The following MDGA2 variants were observed in gnomAD, a reference collection of about 807,000 sequenced individuals.
MDGA2 encodes MAM domain containing glycosylphosphatidylinositol anchor 2.
Under a neutral mutation model 117.8 loss-of-function variants are expected in MDGA2, and 40 were observed. That is an observed-to-expected ratio of 0.34 (90% CI 0.26 to 0.44). MDGA2 has a LOEUF of 0.44. MDGA2 is among the 20% of genes least tolerant of loss of function. The pLI is 1.00. For synonymous variants in MDGA2, 452 were observed against 439.0 expected (o/e 1.03, Z -0.37); for missense variants, 1,123 against 1,250.6 (o/e 0.90, Z 1.54).
Position 47,055,437 on chromosome 14 carries a change from C to G in MDGA2, c.1525+5812G>C, listed in dbSNP as rs145331084. On this transcript the variant is annotated intron_variant, in intron 7 of 16. Transcript: ENST00000399232. Reference sequence around the variant, plus strand: ...AATCCAGCTCAGATGCTACCTGCTGCTCTATGGAACTCTTGCTGACTAGAT... The same window carrying G: ...AATCCAGCTCAGATGCTACCTGCTGGTCTATGGAACTCTTGCTGACTAGAT... Among the ~76,000 whole-genome samples, 38 of 152,156 alleles carry G rather than the reference C, an allele frequency of 2.5e-4. No homozygotes were observed. In the East Asian group the frequency reaches 4.1e-3, roughly 16 times the overall value.
chr14:47,438,130 G>A (rs1427853657), intron 1 of MDGA2, among the ~76,000 whole-genome samples: 1 of 152,038 alleles, frequency 6.6e-6, no homozygotes, highest in Non-Finnish European at 1.5e-5. Flanking sequence ...GGATGGATTG[G>A]GTACAACCTA....
intron 1 of MDGA2, among the ~76,000 whole-genome samples, chr14:47,348,290 C>T (rs1197778719): frequency 1.4e-4 from 21 of 151,510 alleles, no homozygotes; most frequent in Admixed American, 1.3e-3. Context: ...GATCTCACTG[C>T]AACCCCTGCC....
chr14:47,612,249 T>TAGATAGATAGAC (rs1896863951), intron 1 of MDGA2, among the ~76,000 whole-genome samples: 3 of 152,100 alleles, frequency 2.0e-5, no homozygotes, highest in Admixed American at 1.3e-4. Context: ...GATAGATAGA[T>TAGATAGATAGAC]AGATAGATCT....
At chr14:47,173,964 A>C (rs917579703) in intron 3 of MDGA2, among the ~76,000 whole-genome samples, 6 of 152,218 alleles carry the variant, frequency 3.9e-5, no homozygotes, top group Admixed American at 6.5e-5. Context: ...TCTACCAAGC[A>C]AATGGAAAAC....
chr14:47,585,747 C>T (rs1896312800), intron 1 of MDGA2, among the ~76,000 whole-genome samples: 2 of 151,904 alleles, frequency 1.3e-5, no homozygotes. Flanking sequence ...ATTCCCCTTT[C>T]ATCCTTCCCT....
intron 1 of MDGA2, among the ~76,000 whole-genome samples, chr14:47,503,131 T>G (rs1411997553): frequency 6.6e-6 from 1 of 152,212 alleles, no homozygotes; most frequent in Admixed American, 6.5e-5. Context: ...TCCATTATAG[T>G]ATGGACTGCA....
At chr14:46,873,791 A>G (rs935711132) in intron 13 of MDGA2, 200 bp from the exon 14 acceptor site, 18 of 576,346 alleles carry the variant, frequency 3.1e-5, no homozygotes, top group African/African-American at 3.1e-4. Context: ...AATTAAAGAT[A>G]AAATGTATAA....
Position 47,495,184 on chromosome 14 carries a change from A to G in MDGA2, c.280+179333T>C, listed in dbSNP as rs140217798. ...ACTCAGAAGCAGAAAGTCAAAAACCACCTGTTCTCACTTATAAGTGGGAGT... is the reference window on the plus strand; with the variant it reads ...ACTCAGAAGCAGAAAGTCAAAAACCGCCTGTTCTCACTTATAAGTGGGAGT... On this transcript the variant is annotated intron_variant, in intron 1 of 16. Transcript: ENST00000399232. Among the ~76,000 whole-genome samples, 40 of 152,200 alleles carry G rather than the reference A, an allele frequency of 2.6e-4. No individual in the cohort carries two copies. In the East Asian group the frequency reaches 7.8e-3, roughly 30 times the overall value.
At chr14:47,529,721 C>G (rs1181094996) in intron 1 of MDGA2, among the ~76,000 whole-genome samples, 3 of 152,156 alleles carry the variant, frequency 2.0e-5, no homozygotes, top group Admixed American at 1.3e-4. Context: ...TCAGCTAGAA[C>G]TATACCTGGA....
At chr14:47,018,733 GAAAAA>G (rs60442845) in intron 8 of MDGA2, among the ~76,000 whole-genome samples, 120 of 38,624 alleles carry the variant, frequency 3.1e-3, no homozygotes, top group African/African-American at 7.3e-3. Flanking sequence ...CCATTTTACT[GAAAAA>G]AAAAAAAAAA....
intron 1 of MDGA2, among the ~76,000 whole-genome samples, chr14:47,611,156 G>T (rs930562449): frequency 6.6e-6 from 1 of 152,000 alleles, no homozygotes; most frequent in Admixed American, 6.6e-5. Flanking sequence ...GCAAGTCACA[G>T]GTAGGAGAAT....
At chr14:47,292,699 C>G (rs113271643) in intron 2 of MDGA2, among the ~76,000 whole-genome samples, 2 of 152,122 alleles carry the variant, frequency 1.3e-5, no homozygotes, top group South Asian at 2.1e-4. Context: ...CCCTTTCAAC[C>G]AGTAAGAGTT....
chr14:47,554,183 A>C (rs1011040174), intron 1 of MDGA2, among the ~76,000 whole-genome samples: 1 of 152,196 alleles, frequency 6.6e-6, no homozygotes, highest in Non-Finnish European at 1.5e-5. Context: ...TCTGAGCTGC[A>C]GTCTGCATTT....
Position 47,061,598 on chromosome 14 carries a change from T to A in MDGA2, c.1196-20A>T. 1 of 1,583,320 alleles carries A rather than the reference T, an allele frequency of 6.3e-7. No individual in the cohort carries two copies. The highest frequency in any genetic ancestry group is 8.6e-7 in the Non-Finnish European group (1 of 1,158,628). Reference sequence around the variant, plus strand: ...TTAATGCTACAACATAAAAATTCCATAAGGAGTTAGTGTTACTTTCATAAC... The same window carrying A: ...TTAATGCTACAACATAAAAATTCCAAAAGGAGTTAGTGTTACTTTCATAAC... On this transcript the variant is annotated intron_variant, in intron 6 of 16. Transcript: ENST00000399232.
Position 46,923,609 on chromosome 14 carries a change from C to T in MDGA2, c.2090-3449G>A, listed in dbSNP as rs979881143. ...AATGAGAAATAATTTTCAGTTGTTACGATTAAATATAGGCATGCTTACTTA... is the reference window on the plus strand; with the variant it reads ...AATGAGAAATAATTTTCAGTTGTTATGATTAAATATAGGCATGCTTACTTA... On this transcript the variant is annotated intron_variant, in intron 9 of 16. Coordinates refer to ENST00000399232, the MANE Select transcript of MDGA2 (RefSeq NM_001113498.3). Among the ~76,000 whole-genome samples the T allele has an allele frequency of 4.6e-5, 7 of 151,932 alleles. No individual in the cohort carries two copies. In the South Asian group the frequency reaches 6.2e-4, roughly 13 times the overall value.
At position 47,612,207 on chromosome 14, in the gene MDGA2, G is replaced by A. The variant is rs532404853; in HGVS notation, c.280+62310C>T. On this transcript the variant is annotated intron_variant, in intron 1 of 16. Coordinates refer to ENST00000399232, the MANE Select transcript of MDGA2 (RefSeq NM_001113498.3). ...TTCAAATGTGATAGATAGATAGATA[G>A]ACAGATAGATAGATAGATAGATAGA... 8.9e-4 allele frequency among the ~76,000 whole-genome samples: 128 copies of A among 143,616 alleles called. 1 individual carries two copies. The highest frequency in any genetic ancestry group is 3.0e-3 in the African/African-American group (113 of 37,876). The allele number at this position is 143,616 out of a possible 152,430, so 94.2% of individuals were successfully genotyped here.
At chr14:47,079,864 T>C (rs1007484815) in intron 6 of MDGA2, among the ~76,000 whole-genome samples, 3 of 150,626 alleles carry the variant, frequency 2.0e-5, no homozygotes, top group African/African-American at 7.3e-5. Context: ...CCCGAGTAGC[T>C]GGGACTACAG....
At chr14:47,362,527 T>C (rs1891147688) in intron 1 of MDGA2, among the ~76,000 whole-genome samples, 1 of 152,190 alleles carries the variant, frequency 6.6e-6, no homozygotes, top group Admixed American at 6.5e-5. Flanking sequence ...CTGCGTTGGT[T>C]GCATTTACTT....
rs1181332704 is a variant in MDGA2 at position 46,965,446 on chromosome 14, T to C, written c.1820-7803A>G. On this transcript the variant is annotated intron_variant, in intron 8 of 16. Transcript: ENST00000399232. ...CATAGTCTATTTTCATAAAGTTTAA[T>C]AGAGTCTGAGTTGCAAAGCATCCCT... Among the ~76,000 whole-genome samples, 4 of 152,326 alleles carry C rather than the reference T, an allele frequency of 2.6e-5. No homozygotes were observed. The East Asian group carries it at 7.7e-4, about 29-fold the overall frequency.
Sources: gnomAD v4.1 joint callset for allele counts (sites outside exome capture counted in the v4.1 genomes callset) on GRCh38, gnomAD v4.1.1 for gene constraint, MANE v1.5 for transcripts, NCBI Gene and HGNC (gene_info 2026-07-23, HGNC 2026-07-21) for gene names.